AFDN: variants seen among roughly 807,000 people sequenced by gnomAD.
AFDN encodes the protein afadin, adherens junction formation factor.
A neutral mutation model predicts 216.6 loss-of-function variants in AFDN; 68 were observed. The observed-to-expected ratio is 0.31, with a 90% confidence interval of 0.26 to 0.38. The LOEUF (loss-of-function observed/expected upper bound fraction) is 0.38, where lower values mean the gene tolerates loss of function less well. Ranked by LOEUF, AFDN falls within the 10% of genes least tolerant of loss-of-function variation. AFDN has a pLI of 1.00. For missense variants in AFDN, 2,136 were observed against 2,342.0 expected (o/e 0.91, Z 1.82); for synonymous variants, 868 against 853.7 (o/e 1.02, Z -0.29).
At chr6:167,847,711 A>G (rs1781852608) in intron 1 of AFDN, among the ~76,000 whole-genome samples, 3 of 152,164 alleles carry the variant, frequency 2.0e-5, no homozygotes, top group Admixed American at 6.5e-5. Context: ...GGCTAACTTC[A>G]TATCTCCCAC....
At chr6:167,921,676 AAAAAT>A (rs762155358) in intron 21 of AFDN, among the ~76,000 whole-genome samples, 1 of 152,212 alleles carries the variant, frequency 6.6e-6, no homozygotes, top group South Asian at 2.1e-4. Flanking sequence ...GGCCCTTGAA[AAAAAT>A]AAAATAATTT....
At chr6:167,850,629 T>G in intron 1 of AFDN, among the ~76,000 whole-genome samples, 1 of 149,312 alleles carries the variant, frequency 6.7e-6, no homozygotes, top group South Asian at 2.1e-4. Context: ...TCGTTCAAAT[T>G]TAGAACCTTC....
At chr6:167,896,019 A>T (rs1012254689) in intron 9 of AFDN, among the ~76,000 whole-genome samples, 7 of 152,156 alleles carry the variant, frequency 4.6e-5, no homozygotes, top group African/African-American at 1.7e-4. Flanking sequence ...CTGAAATCAG[A>T]ATACCTCATT....
At chr6:167,943,885 G>A in intron 25 of AFDN, 56 bp from the exon 26 acceptor site, 2 of 1,421,036 alleles carry the variant, frequency 1.4e-6, no homozygotes, top group African/African-American at 1.4e-5. Context: ...AGCGATTCAT[G>A]ACAGAGCAGG....
At position 167,898,176 on chromosome 6, in the gene AFDN, G is replaced by C. The variant is rs558822937; in HGVS notation, c.1318-29G>C. The C allele has an allele frequency of 4.7e-5, 75 of 1,609,834 alleles. No individual in the cohort carries two copies. The East Asian group carries it at 1.6e-3, about 35-fold the overall frequency. ...TTAAATGCTGTGAACTTCATGATGG[G>C]AGTTTCTTTGGTTTCCTTCGGTTTC... is the stretch of plus-strand genomic sequence containing the variant. On this transcript the variant is annotated intron_variant, in intron 10 of 33. Coordinates refer to ENST00000683244, the MANE Select transcript of AFDN (RefSeq NM_001386888.1).
intron 1 of AFDN, among the ~76,000 whole-genome samples, chr6:167,833,525 T>A (rs1393736134): frequency 6.6e-6 from 1 of 152,230 alleles, no homozygotes; most frequent in African/African-American, 2.4e-5. Context: ...CTTTGCAGAC[T>A]TAAAACTTTT....
At chr6:167,877,502 G>A (rs1205238283) in intron 5 of AFDN, among the ~76,000 whole-genome samples, 1 of 152,126 alleles carries the variant, frequency 6.6e-6, no homozygotes, top group Non-Finnish European at 1.5e-5. Flanking sequence ...AGTACAGCTT[G>A]TCTGTTAAAG....
chr6:167,879,971 A>G (rs1785906413), intron 5 of AFDN, among the ~76,000 whole-genome samples: 1 of 152,230 alleles, frequency 6.6e-6, no homozygotes, highest in Non-Finnish European at 1.5e-5. Flanking sequence ...AAATAGGTAT[A>G]TAATAATATA....
chr6:167,966,344 G>T, intron 32 of AFDN: 1 of 1,292,266 alleles, frequency 7.7e-7, no homozygotes, highest in Non-Finnish European at 1.0e-6. Context: ...CTGCACACTT[G>T]CCCTGTAGTA....
intron 1 of AFDN, among the ~76,000 whole-genome samples, chr6:167,858,542 T>C (rs1783162838): frequency 6.6e-6 from 1 of 152,212 alleles, no homozygotes; most frequent in Non-Finnish European, 1.5e-5. Context: ...ACTTGGTCTT[T>C]CTCAGATTTG....
intron 12 of AFDN, 119 bp downstream of exon 12, chr6:167,902,505 G>A (rs1583339784): frequency 1.4e-6 from 1 of 700,446 alleles, no homozygotes; most frequent in East Asian, 2.7e-5. Context: ...AAGACCACCA[G>A]TCAATGTCTG....
intron 1 of AFDN, among the ~76,000 whole-genome samples, chr6:167,835,489 A>G (rs1208609631): frequency 6.6e-6 from 1 of 152,232 alleles, no homozygotes; most frequent in Non-Finnish European, 1.5e-5. Flanking sequence ...GAAGGGCTTT[A>G]TGTATGCCTC....
Position 167,827,060 on chromosome 6 carries a change from C to A in AFDN, c.-73C>A. The A allele has an allele frequency of 2.8e-6, 2 of 705,924 alleles. No individual in the cohort carries two copies. The highest frequency in any genetic ancestry group is 6.0e-5 in the South Asian group (1 of 16,564). 43.7% of individuals were successfully genotyped at this position (705,924 alleles called of 1,614,324 possible). ...CGGGGGGTGGCGAGGGGCGCCGGGC[C>A]CCCGCGGACCTGTCGTCCTCGGCCC... On this transcript the variant is annotated 5_prime_UTR_variant, in exon 1 of 34. Transcript: ENST00000683244.
intron 1 of AFDN, among the ~76,000 whole-genome samples, chr6:167,855,939 T>G (rs1271318725): frequency 3.3e-5 from 5 of 152,128 alleles, no homozygotes; most frequent in Non-Finnish European, 7.4e-5. Context: ...TTAGCCAGGA[T>G]CAACTGTGGT....
intron 30 of AFDN, among the ~76,000 whole-genome samples, chr6:167,957,192 A>G (rs576026069): frequency 1.4e-3 from 189 of 136,348 alleles, no homozygotes; most frequent in Middle Eastern, 3.7e-3. Context: ...CCACTGCTTC[A>G]TATGGGGGGG....
At chr6:167,946,927 T>C in intron 27 of AFDN, 26 bp downstream of exon 27, 2 of 1,589,468 alleles carry the variant, frequency 1.3e-6, no homozygotes, top group South Asian at 1.1e-5. Context: ...TTTTGCTTCC[T>C]AAGTACACTT....
intron 30 of AFDN, 97 bp downstream of exon 30, chr6:167,952,284 G>T: frequency 6.3e-7 from 1 of 1,586,566 alleles, no homozygotes; most frequent in South Asian, 1.2e-5. Flanking sequence ...ATCGTGATAA[G>T]GATTAAAAGG....
At chr6:167,862,775 A>C (rs1052261423) in intron 1 of AFDN, among the ~76,000 whole-genome samples, 2 of 152,146 alleles carry the variant, frequency 1.3e-5, no homozygotes, top group Non-Finnish European at 2.9e-5. Context: ...CCAGACTAAG[A>C]GGTTGTTGAT....
chr6:167,894,249 C>G (rs1562624720), intron 9 of AFDN, among the ~76,000 whole-genome samples: 1 of 152,094 alleles, frequency 6.6e-6, no homozygotes, highest in Non-Finnish European at 1.5e-5. Context: ...CAGTCTGCCT[C>G]CCTTCATCTG....
Sources: gnomAD v4.1 joint callset for allele counts (sites outside exome capture counted in the v4.1 genomes callset) on GRCh38, gnomAD v4.1.1 for gene constraint, MANE v1.5 for transcripts, NCBI Gene and HGNC (gene_info 2026-07-23, HGNC 2026-07-21) for gene names.